The following SYT1 variants were observed in gnomAD, a reference collection of about 807,000 sequenced individuals.
SYT1 encodes synaptotagmin 1.
In SYT1, 8 loss-of-function variants were observed where a neutral mutation model predicts 44.8. That is an observed-to-expected ratio of 0.18 (90% CI 0.10 to 0.32). The LOEUF (loss-of-function observed/expected upper bound fraction) is 0.32. Ranked by LOEUF, SYT1 falls within the 10% of genes least tolerant of loss-of-function variation. The probability of loss-of-function intolerance (pLI) is 1.00; values close to 1 mark genes in which losing one functional copy is unlikely to be tolerated. For missense variants in SYT1, 286 were observed against 509.3 expected (o/e 0.56, Z 4.22); for synonymous variants, 154 against 188.8 (o/e 0.82, Z 1.51).
chr12:79,150,099 A>C (rs1870173791), intron 3 of SYT1, among the ~76,000 whole-genome samples: 1 of 152,196 alleles, frequency 6.6e-6, no homozygotes, highest in African/African-American at 2.4e-5. Context: ...AACATGGTAT[A>C]ATTAAATCAA....
intron 1 of SYT1, among the ~76,000 whole-genome samples, chr12:78,949,079 T>A (rs1445876686): frequency 6.6e-6 from 1 of 151,432 alleles, no homozygotes; most frequent in Non-Finnish European, 1.5e-5. Context: ...ATCGTCTTTA[T>A]GCCAGTTGCT....
chr12:79,449,382 T>A lies in SYT1; in HGVS notation c.*258T>A, dbSNP rs1189240904. 1 of 471,902 alleles carries A rather than the reference T, an allele frequency of 2.1e-6. No individual in the cohort carries two copies. The highest frequency in any genetic ancestry group is 3.8e-6 in the Non-Finnish European group (1 of 261,260). The allele number at this position is 471,902 out of a possible 1,614,324, so 29.2% of individuals were successfully genotyped here. A position where few individuals can be genotyped will look rare whatever the true frequency, so the allele number is the denominator to read the frequency against. On this transcript the variant is annotated 3_prime_UTR_variant, in exon 11 of 11. Coordinates refer to ENST00000261205, the MANE Select transcript of SYT1 (RefSeq NM_005639.3). Reference sequence around the variant, plus strand: ...GATAGAGCATGAATGAAATTATTTATTGTATCACACTGTTGTATATACCAG... The same window carrying A: ...GATAGAGCATGAATGAAATTATTTAATGTATCACACTGTTGTATATACCAG...
At chr12:78,945,544 T>A (rs909164422) in intron 1 of SYT1, among the ~76,000 whole-genome samples, 3 of 151,850 alleles carry the variant, frequency 2.0e-5, no homozygotes, top group African/African-American at 7.3e-5. Flanking sequence ...TAACCAATGA[T>A]GTGATTAGGC....
chr12:78,885,746 T>C (rs1314489710), intron 1 of SYT1, among the ~76,000 whole-genome samples: 1 of 151,948 alleles, frequency 6.6e-6, no homozygotes, highest in Non-Finnish European at 1.5e-5. Context: ...TGGTTTTTAT[T>C]TGGAATGAGA....
In SYT1 at chr12:79,231,834, T is replaced by C. The variant is rs559893624; in HGVS notation, c.166+14149T>C. Among the ~76,000 whole-genome samples, 3 of 152,344 alleles carry C rather than the reference T, an allele frequency of 2.0e-5. No individual in the cohort carries two copies. In the East Asian group the frequency reaches 5.8e-4, roughly 29 times the overall value. ...AAATATTACTACCTAAATTATTTGT[T>C]ATACTTCAGTAGCCCAAAAGTGGTA... On this transcript the variant is annotated intron_variant, in intron 4 of 10. Transcript: ENST00000261205.
intron 3 of SYT1, among the ~76,000 whole-genome samples, chr12:79,088,304 C>A (rs577818787): frequency 6.6e-6 from 1 of 151,868 alleles, no homozygotes; most frequent in Non-Finnish European, 1.5e-5. Context: ...TCTTCCTTAC[C>A]CCCTTCGGAA....
chr12:78,955,837 T>TGC (rs1010380647), intron 1 of SYT1, among the ~76,000 whole-genome samples: 7 of 148,576 alleles, frequency 4.7e-5, no homozygotes, highest in East Asian at 1.9e-4. Flanking sequence ...TGTGTGTGTG[T>TGC]GCATGTAGAG....
intron 3 of SYT1, among the ~76,000 whole-genome samples, chr12:79,064,932 G>C (rs1012597888): frequency 4.1e-3 from 303 of 73,140 alleles, no homozygotes; most frequent in Non-Finnish European, 6.0e-3. Flanking sequence ...TAGAGAGAAA[G>C]AAAGAAAGAA....
chr12:79,311,472 G>T (rs1360522377), intron 8 of SYT1, among the ~76,000 whole-genome samples: 1 of 137,232 alleles, frequency 7.3e-6, no homozygotes, highest in African/African-American at 2.8e-5. Flanking sequence ...ATTCCTCAGG[G>T]ATCTAGAACT....
chr12:79,018,489 T>C (rs1275539765), intron 2 of SYT1, among the ~76,000 whole-genome samples: 1 of 152,034 alleles, frequency 6.6e-6, no homozygotes, highest in Admixed American at 6.6e-5. Flanking sequence ...ACTTAAAGTA[T>C]AATAATAATA....
At chr12:79,174,780 A>T (rs538094548) in intron 3 of SYT1, among the ~76,000 whole-genome samples, 4 of 152,000 alleles carry the variant, frequency 2.6e-5, no homozygotes, top group Admixed American at 6.6e-5. Flanking sequence ...TTCCTTCAAC[A>T]CTTTATAATT....
In SYT1 at chr12:79,261,058, C is replaced by T. The variant is rs560134061; in HGVS notation, c.167-24729C>T. Among the ~76,000 whole-genome samples, 3 of 152,228 alleles carry T rather than the reference C, an allele frequency of 2.0e-5. No individual in the cohort carries two copies. In the South Asian group the frequency reaches 6.2e-4, roughly 32 times the overall value. On this transcript the variant is annotated intron_variant, in intron 4 of 10. Coordinates refer to ENST00000261205, the MANE Select transcript of SYT1 (RefSeq NM_005639.3). ...ATAGTCCCTAAATCCAAGCCACTGTCATTGTTCTTGGGGGTTGTAAAGGCC... is the reference window on the plus strand; with the variant it reads ...ATAGTCCCTAAATCCAAGCCACTGTTATTGTTCTTGGGGGTTGTAAAGGCC...
chr12:78,907,347 C>A (rs1050370812), intron 1 of SYT1, among the ~76,000 whole-genome samples: 2 of 151,658 alleles, frequency 1.3e-5, no homozygotes, highest in African/African-American at 2.4e-5. Flanking sequence ...ATTACCTATA[C>A]AATATGGAAA....
At chr12:79,413,830 A>G (rs1868572772) in intron 9 of SYT1, among the ~76,000 whole-genome samples, 1 of 152,220 alleles carries the variant, frequency 6.6e-6, no homozygotes, top group Non-Finnish European at 1.5e-5. Context: ...CTAAATAGTA[A>G]GGTACAAATA....
At chr12:79,403,990 A>G (rs1885157597) in intron 9 of SYT1, among the ~76,000 whole-genome samples, 1 of 152,176 alleles carries the variant, frequency 6.6e-6, no homozygotes, top group African/African-American at 2.4e-5. Context: ...GTGTGTTTTC[A>G]TTAAATATAT....
At chr12:79,437,372 G>A (rs529790967) in intron 9 of SYT1, among the ~76,000 whole-genome samples, 10 of 152,268 alleles carry the variant, frequency 6.6e-5, no homozygotes, top group South Asian at 2.1e-4. Context: ...GAGAAACAAC[G>A]TGAAGGTAAA....
intron 2 of SYT1, among the ~76,000 whole-genome samples, chr12:78,978,190 CAT>C (rs1868985232): frequency 1.3e-5 from 2 of 152,168 alleles, no homozygotes; most frequent in African/African-American, 4.8e-5. Flanking sequence ...CCTTGTATAA[CAT>C]GTTTGCTTTC....
At chr12:78,905,923 C>T (rs1875956956) in intron 1 of SYT1, among the ~76,000 whole-genome samples, 1 of 151,998 alleles carries the variant, frequency 6.6e-6, no homozygotes, top group Admixed American at 6.6e-5. Flanking sequence ...AAGGGCTTCT[C>T]ATATTTCATA....
intron 1 of SYT1, among the ~76,000 whole-genome samples, chr12:78,947,432 A>G (rs866336791): frequency 6.6e-6 from 1 of 151,880 alleles, no homozygotes; most frequent in South Asian, 2.1e-4. Context: ...GCCAAACCAA[A>G]CCATTTGAGC....
Sources: gnomAD v4.1 joint callset for allele counts (sites outside exome capture counted in the v4.1 genomes callset) on GRCh38, gnomAD v4.1.1 for gene constraint, MANE v1.5 for transcripts, NCBI Gene and HGNC (gene_info 2026-07-23, HGNC 2026-07-21) for gene names.